Variants in ILKAP observed in about 807,000 individuals in gnomAD.
The protein encoded by ILKAP is ILK associated serine/threonine phosphatase.
A neutral mutation model predicts 49.1 loss-of-function variants in ILKAP; 11 were observed. The ratio of observed to expected loss-of-function variants is 0.22; its 90% CI spans 0.14 to 0.37. The LOEUF (loss-of-function observed/expected upper bound fraction) is 0.37, where lower values mean the gene tolerates loss of function less well. Ranked by LOEUF, ILKAP falls within the 10% of genes least tolerant of loss-of-function variation. The pLI, the probability that ILKAP is intolerant of heterozygous loss-of-function variation, is 1.00. For synonymous variants in ILKAP, 186 were observed against 192.8 expected (o/e 0.96, Z 0.29); for missense variants, 363 against 510.8 (o/e 0.71, Z 2.79).
At chr2:238,201,214 G>C (rs550381476) in intron 1 of ILKAP, among the ~76,000 whole-genome samples, 3 of 152,050 alleles carry the variant, frequency 2.0e-5, no homozygotes, top group Admixed American at 6.5e-5. Context: ...ATTTTCACAA[G>C]TATGTGAAAC....
At chr2:238,202,110 A>C (rs1426488037) in intron 1 of ILKAP, among the ~76,000 whole-genome samples, 1 of 152,230 alleles carries the variant, frequency 6.6e-6, no homozygotes, top group Non-Finnish European at 1.5e-5. Flanking sequence ...CTGTAATCTC[A>C]GCTAGTAGGG....
chr2:238,181,174 T>TC (rs1233646905), intron 9 of ILKAP, among the ~76,000 whole-genome samples: 1 of 152,126 alleles, frequency 6.6e-6, no homozygotes. Context: ...AAAAAAGGCT[T>TC]CCCCAAATGA....
intron 6 of ILKAP, 88 bp downstream of exon 6, chr2:238,185,093 G>T: frequency 4.9e-6 from 4 of 811,826 alleles, no homozygotes; most frequent in Non-Finnish European, 8.3e-6. Context: ...CTCTGCTAAA[G>T]CCAAAATAAC....
At position 238,182,594 on chromosome 2, in the gene ILKAP, C is replaced by T. The variant is rs969832915; in HGVS notation, c.715-408G>A. 1.3e-4 allele frequency among the ~76,000 whole-genome samples: 20 copies of T among 152,308 alleles called. 1 individual carries two copies. The highest frequency in any genetic ancestry group is 4.1e-4 in the African/African-American group (17 of 41,564). On this transcript the variant is annotated intron_variant, in intron 8 of 11. Coordinates refer to ENST00000254654, the MANE Select transcript of ILKAP (RefSeq NM_030768.3). ...GAGGGCAAGCGTTGTGCATGCTGGCCGAGTGCCAGGTAGGCCGTCCACACC... is the reference window on the plus strand; with the variant it reads ...GAGGGCAAGCGTTGTGCATGCTGGCTGAGTGCCAGGTAGGCCGTCCACACC...
chr2:238,189,972 C>T lies in ILKAP; in HGVS notation c.179G>A (p.Gly60Asp). The change falls in exon 4 of 12, where the codon GGT (glycine) becomes GAT (aspartate). Residue 60 changes from glycine to aspartate, a missense_variant and splice_region_variant. By Grantham distance (94) the Gly-to-Asp change is moderately conservative. This residue lies in a region of ILKAP where 114 missense variants were observed against 116.0 expected (regional missense o/e 0.98). Transcript: ENST00000254654. The part of the protein sequence containing the change: ...DLPPASSGDS[G>D]SLATSISQMV... ...CTGGGATATTGATGTGGCAAGAGAA[C>T]CTGGAAATAAAGTAAAAGCCAGACA... The T allele has an allele frequency of 6.2e-7, 1 of 1,613,512 alleles. No homozygotes were observed. The highest frequency in any genetic ancestry group is 1.3e-5 in the African/African-American group (1 of 74,950).
rs1032919736 is a variant in ILKAP at position 238,176,318 on chromosome 2, A to G, written c.837-2665T>C. On this transcript the variant is annotated intron_variant, in intron 9 of 11. Coordinates refer to ENST00000254654, the MANE Select transcript of ILKAP (RefSeq NM_030768.3). Reference sequence around the variant, plus strand: ...CAGCTAATTTTTTTATTTTTAGTAGAGATGGGGTTTCACCATCCTGGCCAG... The same window carrying G: ...CAGCTAATTTTTTTATTTTTAGTAGGGATGGGGTTTCACCATCCTGGCCAG... Among the ~76,000 whole-genome samples the G allele has an allele frequency of 9.0e-4, 137 of 151,950 alleles. 1 individual carries two copies. Among genetic ancestry groups the G allele is most frequent in the Non-Finnish European group, 2.1e-4 (14 of 67,982 alleles).
At position 238,196,043 on chromosome 2, in the gene ILKAP, C is replaced by CAAA. The variant is rs71043116; in HGVS notation, c.56-1176_56-1174dup. On this transcript the variant is annotated intron_variant, in intron 1 of 11. Transcript: ENST00000254654. ...TAGGCAACACAGTGAGACTCTGTCA[C>CAAA]AAAAAAAAAAAAAAAAAAAGTACTC... Among the ~76,000 whole-genome samples the CAAA allele has an allele frequency of 1.2e-3, 84 of 67,850 alleles. 4 individuals carry two copies. The highest frequency in any genetic ancestry group is 4.4e-3 in the African/African-American group (69 of 15,832). 44.5% of individuals were successfully genotyped at this position (67,850 alleles called of 152,430 possible).
chr2:238,183,928 G>T, intron 7 of ILKAP, 92 bp downstream of exon 7: 1 of 991,168 alleles, frequency 1.0e-6, no homozygotes, highest in Non-Finnish European at 1.6e-6. Flanking sequence ...CAGACAGTGA[G>T]CAATAGTGTT....
chr2:238,177,787 T>C (rs1351774610), intron 9 of ILKAP, among the ~76,000 whole-genome samples: 1 of 152,240 alleles, frequency 6.6e-6, no homozygotes, highest in Non-Finnish European at 1.5e-5. Context: ...AACACAGGTA[T>C]GCAAATATCT....
chr2:238,174,741 T>G (rs184107811), intron 9 of ILKAP, among the ~76,000 whole-genome samples: 15 of 152,316 alleles, frequency 9.8e-5, no homozygotes, highest in African/African-American at 3.4e-4. Context: ...TCTTCTAGGA[T>G]ACAAACTGTT....
intron 9 of ILKAP, among the ~76,000 whole-genome samples, chr2:238,176,258 C>A (rs527743132): frequency 1.3e-5 from 2 of 151,712 alleles, no homozygotes; most frequent in African/African-American, 2.4e-5. Flanking sequence ...CTCAACCTCC[C>A]GAGTAGCTGG....
At chr2:238,198,976 C>A (rs1038321138) in intron 1 of ILKAP, among the ~76,000 whole-genome samples, 4 of 152,170 alleles carry the variant, frequency 2.6e-5, no homozygotes, top group Non-Finnish European at 5.9e-5. Context: ...TTCCGCCACA[C>A]CCCCCAACCA....
chr2:238,193,627 GC>G (rs1195293140), intron 3 of ILKAP, among the ~76,000 whole-genome samples: 1 of 152,180 alleles, frequency 6.6e-6, no homozygotes, highest in East Asian at 1.9e-4. Context: ...TGGGTCTACA[GC>G]CCTGAAGATT....
chr2:238,183,623 A>G (rs778388628), intron 8 of ILKAP, 30 bp downstream of exon 8: 9 of 1,487,732 alleles, frequency 6.0e-6, no homozygotes, highest in Non-Finnish European at 7.5e-6. Context: ...ACGTATTGTC[A>G]TCTAAGTGGG....
rs781233976 is a variant in ILKAP at position 238,188,178 on chromosome 2, G to A, written c.378C>T (p.Val126=). 6.2e-6 allele frequency: 10 copies of A among 1,614,104 alleles called. No individual in the cohort carries two copies. Among genetic ancestry groups the A allele is most frequent in the Admixed American group, 1.7e-5 (1 of 60,018 alleles). ...GEREEMQDAH[V]ILNDITEECR... is the part of the protein sequence containing the mutation. ...ACTCCTCGGTGATGTCGTTCAGGAT[G>A]ACGTGGGCATCCTGCATCTCCTCCC... Residue 126 remains valine (V), a synonymous_variant, in exon 5 of 12, where the codon GTC becomes GTT. Coordinates refer to ENST00000254654, the MANE Select transcript of ILKAP (RefSeq NM_030768.3).
chr2:238,189,911 T>G lies in ILKAP; in HGVS notation c.240A>C (p.Lys80Asn). Residue 80 changes from lysine (K) to asparagine (N), a missense_variant, in exon 4 of 12, where the codon AAA (lysine) becomes AAC (asparagine). Lys to Asn is a moderately conservative substitution (Grantham distance 94). Around this residue, in one of 3 missense-constraint regions of ILKAP, gnomAD observed 114 missense variants for 116.0 expected, o/e 0.98. Transcript: ENST00000254654. ...VKTEGKGAKR[K>N]TSEEEKNGSE... ...TGCCATTCTTCTCTTCCTCGGAGGT[T>G]TTTCTCTTTGCTCCTTTCCCTTCAG... is the stretch of plus-strand genomic sequence containing the variant. 6.2e-7 allele frequency: 1 copy of G among 1,614,102 alleles called. No individual in the cohort carries two copies.
intron 10 of ILKAP, among the ~76,000 whole-genome samples, chr2:238,173,128 C>T (rs1693299338): frequency 6.6e-6 from 1 of 152,168 alleles, no homozygotes; most frequent in South Asian, 2.1e-4. Flanking sequence ...CAGGATCTGC[C>T]CCCAAAGTAC....
At chr2:238,183,037 C>A (rs187538127) in intron 8 of ILKAP, among the ~76,000 whole-genome samples, 2 of 152,128 alleles carry the variant, frequency 1.3e-5, no homozygotes, top group Non-Finnish European at 2.9e-5. Flanking sequence ...AAAGCGGCAA[C>A]GGAACGGAAC....
At chr2:238,199,075 C>A (rs970296760) in intron 1 of ILKAP, among the ~76,000 whole-genome samples, 12 of 152,136 alleles carry the variant, frequency 7.9e-5, no homozygotes, top group Non-Finnish European at 1.6e-4. Context: ...CAGAGTCATA[C>A]TCTACACAAT....
Sources: gnomAD v4.1 joint callset for allele counts (sites outside exome capture counted in the v4.1 genomes callset) on GRCh38, gnomAD v4.1.1 for gene constraint, gnomAD v4.1.1 regional missense constraint, MANE v1.5 for transcripts, NCBI Gene and HGNC (gene_info 2026-07-23, HGNC 2026-07-21) for gene names.